SAMTOR: variants seen among roughly 807,000 people sequenced by gnomAD.
SAMTOR encodes S-adenosylmethionine sensor upstream of mTORC1, also known as UPF0532 protein C7orf60.
At chr7:112,907,627 G>GA in the SAMTOR span, among the ~76,000 whole-genome samples, 32 of 142,400 alleles carry the variant, frequency 2.2e-4, no homozygotes, top group Admixed American at 2.8e-4. Context: ...AAAGTCAACA[G>GA]AAAAAAAAAA....
At chr7:112,881,597 A>G in the SAMTOR span, among the ~76,000 whole-genome samples, 2 of 152,084 alleles carry the variant, frequency 1.3e-5, no homozygotes, top group Non-Finnish European at 2.9e-5. Flanking sequence ...TGCAAATAAG[A>G]GCTACTCACT....
the SAMTOR span, among the ~76,000 whole-genome samples, chr7:112,927,124 A>T: frequency 2.0e-5 from 3 of 152,074 alleles, no homozygotes; most frequent in Admixed American, 2.0e-4. Context: ...AATTTTGAGC[A>T]AAGTTTTTCA....
At chr7:112,837,264 G>T in the SAMTOR span, among the ~76,000 whole-genome samples, 1 of 151,804 alleles carries the variant, frequency 6.6e-6, no homozygotes, top group Non-Finnish European at 1.5e-5. Flanking sequence ...TAGGAATGCT[G>T]CTGATTTTTG....
At chr7:112,821,730 T>A in the SAMTOR span, 1 of 1,567,528 alleles carries the variant, frequency 6.4e-7, no homozygotes, top group Non-Finnish European at 8.6e-7. Flanking sequence ...TGAAAGGGGC[T>A]TTTTGCTTCT....
chr7:112,891,794 A>G, the SAMTOR span, among the ~76,000 whole-genome samples: 1 of 152,206 alleles, frequency 6.6e-6, no homozygotes, highest in African/African-American at 2.4e-5. Flanking sequence ...TCATCATTTG[A>G]GCCTCCAGCA....
At chr7:112,848,503 C>T in the SAMTOR span, among the ~76,000 whole-genome samples, 1,012 of 152,032 alleles carry the variant, frequency 6.7e-3, 5 homozygotes, top group Middle Eastern at 0.061. Context: ...ATTAGGTAGA[C>T]GAGTATACAA....
the SAMTOR span, among the ~76,000 whole-genome samples, chr7:112,892,182 C>T: frequency 6.6e-6 from 1 of 152,210 alleles, no homozygotes; most frequent in African/African-American, 2.4e-5. Context: ...GAAACGACTC[C>T]TCATCCATTC....
the SAMTOR span, among the ~76,000 whole-genome samples, chr7:112,911,802 G>A: frequency 6.6e-6 from 1 of 151,852 alleles, no homozygotes; most frequent in African/African-American, 2.4e-5. Context: ...GTTAATGATA[G>A]ATAAAAAAGC....
the SAMTOR span, chr7:112,939,323 C>A: frequency 7.6e-6 from 4 of 527,190 alleles, no homozygotes; most frequent in Non-Finnish European, 1.3e-5. Flanking sequence ...AGCACCCCGG[C>A]TGGGGACAGG....
chr7:112,929,588 C>T, the SAMTOR span, among the ~76,000 whole-genome samples: 1 of 151,914 alleles, frequency 6.6e-6, no homozygotes, highest in Non-Finnish European at 1.5e-5. Flanking sequence ...GGGTATTTAT[C>T]CAAAGGAAAT....
the SAMTOR span, among the ~76,000 whole-genome samples, chr7:112,927,239 C>G: frequency 6.6e-6 from 1 of 151,882 alleles, no homozygotes; most frequent in African/African-American, 2.4e-5. Flanking sequence ...CATATACAAA[C>G]AATATATTAA....
At chr7:112,868,900 G>A in the SAMTOR span, among the ~76,000 whole-genome samples, 2 of 152,156 alleles carry the variant, frequency 1.3e-5, no homozygotes, top group African/African-American at 4.8e-5. Flanking sequence ...ACAGCTTTGT[G>A]ACCTGGAACA....
the SAMTOR span, chr7:112,822,129 G>C: frequency 6.2e-7 from 1 of 1,613,858 alleles, no homozygotes; most frequent in Non-Finnish European, 8.5e-7. Context: ...GGAGGAATCA[G>C]GTGTGATGAT....
the SAMTOR span, among the ~76,000 whole-genome samples, chr7:112,916,899 C>A: frequency 6.6e-6 from 1 of 152,218 alleles, no homozygotes; most frequent in East Asian, 1.9e-4. Flanking sequence ...GGAGGGGCGC[C>A]CGCCATTGCC....
the SAMTOR span, among the ~76,000 whole-genome samples, chr7:112,872,125 A>T: frequency 2.0e-5 from 3 of 152,188 alleles, no homozygotes; most frequent in African/African-American, 7.2e-5. Flanking sequence ...AACTCATTCT[A>T]TGAAACCAGT....
At chr7:112,876,865 T>G in the SAMTOR span, among the ~76,000 whole-genome samples, 155 of 152,318 alleles carry the variant, frequency 1.0e-3, 3 homozygotes, top group East Asian at 0.028. Context: ...GTTAATCTTT[T>G]CTTTCTCACT....
At chr7:112,933,844 G>A in the SAMTOR span, among the ~76,000 whole-genome samples, 2 of 152,092 alleles carry the variant, frequency 1.3e-5, no homozygotes, top group Non-Finnish European at 2.9e-5. Flanking sequence ...GAAGATTCTG[G>A]AGCCAACTAA....
chr7:112,874,654 A>G, the SAMTOR span, among the ~76,000 whole-genome samples: 1 of 152,178 alleles, frequency 6.6e-6, no homozygotes, highest in Non-Finnish European at 1.5e-5. Context: ...CAAGAGTAAT[A>G]ATACAGAAAT....
the SAMTOR span, among the ~76,000 whole-genome samples, chr7:112,835,185 A>G: frequency 6.6e-6 from 1 of 152,080 alleles, no homozygotes; most frequent in East Asian, 1.9e-4. Context: ...TTTTAGATCC[A>G]GCAGCTTTAC....
Sources: allele counts gnomAD v4.1 joint callset (sites outside exome capture counted in the v4.1 genomes callset), GRCh38; gene constraint gnomAD v4.1.1; transcripts MANE v1.5; gene names NCBI Gene and HGNC (gene_info 2026-07-23, HGNC 2026-07-21).